The following NBAS variants were observed in gnomAD, a reference collection of about 807,000 sequenced individuals.
NBAS encodes the protein NAG/BC035112 fusion.
Under a neutral mutation model 302.5 loss-of-function variants are expected in NBAS, and 219 were observed. The observed-to-expected ratio is 0.72, with a 90% CI of 0.65 to 0.81. The LOEUF (loss-of-function observed/expected upper bound fraction) is 0.81, where lower values mean the gene tolerates loss of function less well. Among genes scored for constraint, NBAS ranks in the 30% least tolerant of loss-of-function variants. The pLI, the probability that NBAS is intolerant of heterozygous loss-of-function variation, is 0.00. For synonymous variants in NBAS, 1,118 were observed against 1,021.6 expected, an observed-to-expected ratio of 1.09 and a Z score of -1.80; for missense variants, 2,932 against 2,841.6, an observed-to-expected ratio of 1.03 and a Z score of -0.72.
At chr2:15,260,577 C>T (rs1668803642) in intron 44 of NBAS, among the ~76,000 whole-genome samples, 1 of 152,056 alleles carries the variant, frequency 6.6e-6, no homozygotes, top group African/African-American at 2.4e-5. Context: ...GTGAGGTGGT[C>T]ACTGCAAGAG....
intron 48 of NBAS, among the ~76,000 whole-genome samples, chr2:15,213,138 T>C (rs986675229): frequency 1.3e-5 from 2 of 152,218 alleles, no homozygotes; most frequent in African/African-American, 4.8e-5. Context: ...TTATGAGAGA[T>C]TTACTAACTT....
chr2:14,854,574 G>A, the NBAS span, among the ~76,000 whole-genome samples: 3 of 151,764 alleles, frequency 2.0e-5, no homozygotes, highest in East Asian at 1.9e-4. Flanking sequence ...TGCAGACCCC[G>A]CTCCTCCCCT....
intron 39 of NBAS, 83 bp from the exon 40 acceptor site, chr2:15,308,436 T>C (rs1214391421): frequency 1.2e-5 from 18 of 1,531,502 alleles, no homozygotes; most frequent in Admixed American, 1.2e-4. Flanking sequence ...TAGTCATTCC[T>C]GCAGATTTTT....
chr2:15,124,004 C>T, the NBAS span, among the ~76,000 whole-genome samples: 15 of 152,158 alleles, frequency 9.9e-5, no homozygotes, highest in African/African-American at 2.9e-4. Context: ...GGAACTTCTT[C>T]GAGATCAGTT....
At chr2:14,781,867 C>T in the NBAS span, among the ~76,000 whole-genome samples, 1 of 152,030 alleles carries the variant, frequency 6.6e-6, no homozygotes, top group Non-Finnish European at 1.5e-5. Flanking sequence ...TTGAAATTCT[C>T]CCCCTAAACA....
chr2:15,465,496 T>TG (rs1490612035), intron 19 of NBAS, among the ~76,000 whole-genome samples: 4 of 152,228 alleles, frequency 2.6e-5, no homozygotes, highest in Admixed American at 2.6e-4. Flanking sequence ...CACAATATCT[T>TG]GCGTTTAGGA....
At chr2:15,229,067 C>T (rs1244232338) in intron 47 of NBAS, among the ~76,000 whole-genome samples, 1 of 152,028 alleles carries the variant, frequency 6.6e-6, no homozygotes, top group Non-Finnish European at 1.5e-5. Flanking sequence ...ACAGGTTGGG[C>T]GTTGTGGCTC....
In NBAS at chr2:15,536,810, T is replaced by A. The variant is rs1175659552; in HGVS notation, c.514-259A>T. 3.3e-5 allele frequency among the ~76,000 whole-genome samples: 5 copies of A among 152,134 alleles called. No homozygotes were observed. In the East Asian group the frequency reaches 7.7e-4, roughly 23 times the overall value. On this transcript the variant is annotated intron_variant, in intron 7 of 51. Coordinates refer to ENST00000281513, the MANE Select transcript of NBAS (RefSeq NM_015909.4). The stretch of plus-strand genomic sequence containing the variant: ...AAGATGTTCACCTACATAGGAAATT[T>A]CTATTCAAATTGTATGTCAATTGCA...
the NBAS span, among the ~76,000 whole-genome samples, chr2:14,904,185 T>C: frequency 1.4e-4 from 21 of 152,308 alleles, no homozygotes; most frequent in East Asian, 3.7e-3. Context: ...AATGTACATA[T>C]GAAAGGGAGT....
chr2:15,176,684 G>C (rs546555150), intron 51 of NBAS, among the ~76,000 whole-genome samples: 2 of 152,234 alleles, frequency 1.3e-5, no homozygotes, highest in Middle Eastern at 6.8e-3. Context: ...TCTGAAGTCT[G>C]GAATCTGAAA....
chr2:15,322,387 T>A (rs1189095440), intron 38 of NBAS, among the ~76,000 whole-genome samples: 1 of 151,568 alleles, frequency 6.6e-6, no homozygotes, highest in Non-Finnish European at 1.5e-5. Flanking sequence ...TAAAGTATAA[T>A]AAAAAATAAA....
rs1666659192 is a variant in NBAS at position 15,216,485 on chromosome 2, A to C, written c.6432+2288T>G. On this transcript the variant is annotated intron_variant, in intron 48 of 51. Coordinates refer to ENST00000281513, the MANE Select transcript of NBAS (RefSeq NM_015909.4). ...AGTTTGCACTCATAACAATAAAGTC[A>C]AGTCAGTTTAGAAAAGTGCTTGAGA... is the stretch of plus-strand genomic sequence containing the variant. Among the ~76,000 whole-genome samples the C allele has an allele frequency of 2.6e-5, 4 of 152,326 alleles. No homozygotes were observed. In the South Asian group the frequency reaches 8.3e-4, roughly 32 times the overall value.
At chr2:15,290,826 A>G (rs985521652) in intron 41 of NBAS, among the ~76,000 whole-genome samples, 1 of 152,200 alleles carries the variant, frequency 6.6e-6, no homozygotes, top group African/African-American at 2.4e-5. Flanking sequence ...GACCAGCTAT[A>G]GGTTGTTCCT....
intron 21 of NBAS, among the ~76,000 whole-genome samples, chr2:15,453,639 A>C (rs1679120589): frequency 6.6e-6 from 1 of 152,242 alleles, no homozygotes; most frequent in Non-Finnish European, 1.5e-5. Flanking sequence ...ACATATTTTC[A>C]TACTTTACTC....
the NBAS span, among the ~76,000 whole-genome samples, chr2:14,840,461 A>C: frequency 6.6e-6 from 1 of 152,058 alleles, no homozygotes; most frequent in African/African-American, 2.4e-5. Context: ...ACTTGACCCA[A>C]ATAAAAAGGC....
chr2:15,159,567 T>A, the NBAS span, among the ~76,000 whole-genome samples: 2 of 149,844 alleles, frequency 1.3e-5, no homozygotes, highest in South Asian at 2.1e-4. Context: ...ATACCTAGAG[T>A]AGTCCAATTC....
chr2:15,331,298 C>G (rs2148236185), intron 35 of NBAS, among the ~76,000 whole-genome samples: 1 of 152,280 alleles, frequency 6.6e-6, no homozygotes, highest in African/African-American at 2.4e-5. Flanking sequence ...TACGGTACCT[C>G]CTGCCAATCT....
At chr2:15,319,368 G>C (rs1416302106) in intron 38 of NBAS, among the ~76,000 whole-genome samples, 5 of 152,112 alleles carry the variant, frequency 3.3e-5, no homozygotes, top group Admixed American at 6.5e-5. Flanking sequence ...GAATGTAAAA[G>C]CTAGCAGAAG....
chr2:15,214,298 A>C (rs921022922), intron 48 of NBAS, among the ~76,000 whole-genome samples: 5 of 151,872 alleles, frequency 3.3e-5, no homozygotes, highest in Non-Finnish European at 7.4e-5. Context: ...TATAATAAAT[A>C]GACAAACATA....
Sources: allele counts gnomAD v4.1 joint callset (sites outside exome capture counted in the v4.1 genomes callset), GRCh38; gene constraint gnomAD v4.1.1; transcripts MANE v1.5; gene names NCBI Gene and HGNC (gene_info 2026-07-23, HGNC 2026-07-21).